The following ZFYVE9 variants were observed in gnomAD, a reference collection of about 807,000 sequenced individuals.
The protein encoded by ZFYVE9 is zinc finger FYVE-type containing 9, also known as zinc finger FYVE domain-containing protein 9.
A neutral mutation model predicts 126.7 loss-of-function variants in ZFYVE9; 43 were observed. The observed-to-expected ratio is 0.34, with a 90% CI of 0.27 to 0.44. ZFYVE9 has a LOEUF of 0.44. ZFYVE9 is among the 20% of genes least tolerant of loss of function. ZFYVE9 has a pLI of 1.00. For synonymous variants in ZFYVE9, 521 were observed against 597.4 expected (o/e 0.87, Z 1.87); for missense variants, 1,476 against 1,697.0 (o/e 0.87, Z 2.29).
At chr1:52,204,698 G>A (rs909370978) in intron 1 of ZFYVE9, among the ~76,000 whole-genome samples, 1 of 152,098 alleles carries the variant, frequency 6.6e-6, no homozygotes, top group East Asian at 1.9e-4. Flanking sequence ...CTGCACTCCA[G>A]CCTGGACAAC....
chr1:52,191,609 A>G (rs1644817252), intron 1 of ZFYVE9, among the ~76,000 whole-genome samples: 2 of 152,236 alleles, frequency 1.3e-5, no homozygotes, highest in African/African-American at 2.4e-5. Flanking sequence ...TGGGTTAGAT[A>G]TTATCCCCAT....
intron 2 of ZFYVE9, among the ~76,000 whole-genome samples, chr1:52,218,572 G>A (rs149940615): frequency 7.0e-4 from 107 of 152,298 alleles, no homozygotes; most frequent in African/African-American, 2.3e-3. Context: ...TGGCCCATCC[G>A]AGTGGGAGGG....
At chr1:52,150,321 A>G (rs1262366758) in intron 1 of ZFYVE9, 1 of 152,124 alleles carries the variant, frequency 6.6e-6, no homozygotes, top group Non-Finnish European at 1.5e-5. Context: ...CAGGCTGGGA[A>G]TGGAGCAGCT....
At position 52,142,698 on chromosome 1, in the gene ZFYVE9, G is replaced by A. The variant is rs761532951; in HGVS notation, c.-143+295G>A. ...CACGGCCGCCTTTCGGGTTTGCATG[G>A]GCCCGGGCCGAGCGCAGCCTCTTAG... On this transcript the variant is annotated intron_variant, in intron 1 of 18. Coordinates refer to ENST00000287727, the MANE Select transcript of ZFYVE9 (RefSeq NM_004799.4). This position sits in a 1 kb window ranked among gnomAD's most constrained non-coding sequence, Gnocchi z 4.5. Among the ~76,000 whole-genome samples, 1 of 152,136 alleles carries A rather than the reference G, an allele frequency of 6.6e-6. No homozygotes were observed. Among genetic ancestry groups the A allele is most frequent in the Non-Finnish European group, 1.5e-5 (1 of 67,988 alleles).
rs747912101 is a variant in ZFYVE9, at chr1:52,237,666, G to A, written c.249G>A (p.Glu83=). The A allele has an allele frequency of 6.2e-7, 1 of 1,614,090 alleles. No individual in the cohort carries two copies. The highest frequency in any genetic ancestry group is 8.5e-7 in the Non-Finnish European group (1 of 1,179,966). ...SLAHSAPLTT[E]EEDHCANGQD... ...CTCATTCAGCTCCCCTGACCACAGA[G>A]GAAGAGGATCACTGTGCTAATGGAC... Residue 83 remains glutamate (E), a synonymous_variant, in exon 4 of 19, where the codon GAG becomes GAA. Coordinates refer to ENST00000287727, the MANE Select transcript of ZFYVE9 (RefSeq NM_004799.4).
Position 52,237,833 on chromosome 1 carries a change from T to C in ZFYVE9, c.416T>C (p.Leu139Pro), listed in dbSNP as rs1295673418. 1.9e-6 allele frequency: 3 copies of C among 1,613,958 alleles called. No homozygotes were observed. The highest frequency in any genetic ancestry group is 2.5e-6 in the Non-Finnish European group (3 of 1,179,968). Residue 139 changes from leucine to proline, a missense_variant, in exon 4 of 19, where the codon CTG becomes CCG. By Grantham distance (98) the Leu-to-Pro change is moderately conservative. This residue lies in a region of ZFYVE9 where 807 missense variants were observed against 794.6 expected (regional missense o/e 1.02). Transcript: ENST00000287727. ...GTGGGAGAGAAGAAATGTGGAAACC[T>C]GGCTTGTCTGCCAGATGAGAAGAAT... ...VEVGEKKCGN[L>P]ACLPDEKNVL...
At chr1:52,342,214 G>A (rs1412647578) in intron 17 of ZFYVE9, among the ~76,000 whole-genome samples, 1 of 151,406 alleles carries the variant, frequency 6.6e-6, no homozygotes, top group Non-Finnish European at 1.5e-5. Flanking sequence ...TAAGCTAGGG[G>A]TTGCTATATA....
intron 10 of ZFYVE9, among the ~76,000 whole-genome samples, chr1:52,288,243 A>G (rs965731329): frequency 1.5e-4 from 23 of 152,204 alleles, no homozygotes; most frequent in African/African-American, 5.3e-4. Flanking sequence ...AAATTCACCT[A>G]TGTTGTCCGT....
intron 4 of ZFYVE9, among the ~76,000 whole-genome samples, chr1:52,261,833 C>T (rs1370021838): frequency 2.0e-5 from 3 of 152,046 alleles, no homozygotes; most frequent in South Asian, 4.2e-4. Flanking sequence ...ACTAACAGGA[C>T]TTAATGACTG....
intron 13 of ZFYVE9, among the ~76,000 whole-genome samples, chr1:52,327,285 T>C (rs1646300060): frequency 6.6e-6 from 1 of 152,070 alleles, no homozygotes; most frequent in Non-Finnish European, 1.5e-5. Context: ...AATGGTCACA[T>C]TAATGTCTCA....
Position 52,239,321 on chromosome 1 carries a change from C to G in ZFYVE9, c.1904C>G (p.Ser635Cys). Reference protein sequence around the residue: ...ENSATNVCSPSLGNISNVDTN... With the variant: ...ENSATNVCSPCLGNISNVDTN... Reference sequence around the variant, plus strand: ...TCAGCAACCAATGTATGCAGTCCATCTTTGGGAAACATCTCTAATGTCGAT... The same window carrying G: ...TCAGCAACCAATGTATGCAGTCCATGTTTGGGAAACATCTCTAATGTCGAT... The change falls in exon 4 of 19, where the codon TCT (serine) becomes TGT (cysteine). Residue 635 changes from serine (S) to cysteine (C), a missense_variant. Physicochemically the swap from Ser to Cys is moderately radical, Grantham distance 112 (BLOSUM62 -1). Around this residue, in one of 2 missense-constraint regions of ZFYVE9, gnomAD observed 807 missense variants for 794.6 expected, o/e 1.02. Coordinates refer to ENST00000287727, the MANE Select transcript of ZFYVE9 (RefSeq NM_004799.4). 6.2e-7 allele frequency: 1 copy of G among 1,614,202 alleles called. No homozygotes were observed. The highest frequency in any genetic ancestry group is 8.5e-7 in the Non-Finnish European group (1 of 1,180,020).
intron 12 of ZFYVE9, among the ~76,000 whole-genome samples, chr1:52,302,699 C>T (rs1322070330): frequency 6.6e-6 from 1 of 151,566 alleles, no homozygotes; most frequent in Non-Finnish European, 1.5e-5. Context: ...TTCAGTGAGC[C>T]AAGATTGCGC....
chr1:52,276,950 G>A (rs1162287149), intron 8 of ZFYVE9, among the ~76,000 whole-genome samples: 3 of 152,158 alleles, frequency 2.0e-5, no homozygotes, highest in African/African-American at 7.2e-5. Context: ...CTCAGCAAAT[G>A]CTGTCTATAT....
intron 10 of ZFYVE9, among the ~76,000 whole-genome samples, 181 bp downstream of exon 10, chr1:52,281,997 A>G (rs2147817397): frequency 6.6e-6 from 1 of 152,304 alleles, no homozygotes; most frequent in Non-Finnish European, 1.5e-5. Context: ...TACCTGGTAT[A>G]GTTTTTATTT....
intron 1 of ZFYVE9, among the ~76,000 whole-genome samples, chr1:52,212,235 C>A (rs1645035017): frequency 6.6e-6 from 1 of 152,186 alleles, no homozygotes; most frequent in Admixed American, 6.5e-5. Context: ...ACCTCCACCT[C>A]CCAGGCTCAA....
chr1:52,256,043 T>TTC (rs58313402), intron 4 of ZFYVE9, among the ~76,000 whole-genome samples: 39 of 133,238 alleles, frequency 2.9e-4, no homozygotes, highest in African/African-American at 4.9e-4. Context: ...CTTTCTTTCT[T>TTC]TCTCTCTCTC....
chr1:52,188,663 A>G (rs1013192766), intron 1 of ZFYVE9, among the ~76,000 whole-genome samples: 2 of 152,158 alleles, frequency 1.3e-5, no homozygotes, highest in African/African-American at 4.8e-5. Context: ...TAATTTTTCT[A>G]TCTTATAATT....
At chr1:52,339,573 G>C (rs1275453275) in intron 16 of ZFYVE9, among the ~76,000 whole-genome samples, 1 of 152,156 alleles carries the variant, frequency 6.6e-6, no homozygotes, top group Non-Finnish European at 1.5e-5. Flanking sequence ...TTACAGGCGT[G>C]AGCCACCATG....
At chr1:52,255,981 T>C (rs12094549) in intron 4 of ZFYVE9, among the ~76,000 whole-genome samples, 12,650 of 113,370 alleles carry the variant, frequency 0.11, 2,051 homozygotes, top group African/African-American at 0.36. Context: ...TCTTTCTTTC[T>C]TTCCTTCCTT....
Sources: allele counts gnomAD v4.1 joint callset (sites outside exome capture counted in the v4.1 genomes callset), GRCh38; gene constraint gnomAD v4.1.1; regional missense constraint gnomAD v4.1.1; non-coding constraint Gnocchi (gnomAD v3.1); transcripts MANE v1.5; gene names NCBI Gene and HGNC (gene_info 2026-07-23, HGNC 2026-07-21).